CATSPERB: variants seen among roughly 807,000 people sequenced by gnomAD.
CATSPERB encodes the protein cation channel sperm-associated auxiliary subunit beta.
Under a neutral mutation model 128.3 loss-of-function variants are expected in CATSPERB, and 93 were observed. That is an observed-to-expected ratio of 0.72 (90% CI 0.61 to 0.86). The LOEUF (loss-of-function observed/expected upper bound fraction) is 0.86. Ranked by LOEUF, CATSPERB falls within the 40% of genes least tolerant of loss-of-function variation. The probability of loss-of-function intolerance (pLI) is 0.00; values close to 1 mark genes in which losing one functional copy is unlikely to be tolerated. For missense variants in CATSPERB, 1,153 were observed against 1,329.5 expected (o/e 0.87, Z 2.06); for synonymous variants, 381 against 448.8 (o/e 0.85, Z 1.91).
At chr14:91,676,343 C>T (rs1213905150) in intron 11 of CATSPERB, among the ~76,000 whole-genome samples, 2 of 152,096 alleles carry the variant, frequency 1.3e-5, no homozygotes, top group African/African-American at 4.8e-5. Flanking sequence ...TAGGCTGCTC[C>T]TCTGCTCACT....
chr14:91,613,375 A>C (rs1184803036), intron 20 of CATSPERB, among the ~76,000 whole-genome samples: 1 of 152,202 alleles, frequency 6.6e-6, no homozygotes, highest in African/African-American at 2.4e-5. Context: ...TATTGACTTG[A>C]AAGGATTAGA....
At chr14:91,661,483 A>C (rs1316951723) in intron 14 of CATSPERB, among the ~76,000 whole-genome samples, 6 of 149,454 alleles carry the variant, frequency 4.0e-5, no homozygotes, top group Non-Finnish European at 8.9e-5. Context: ...GTTATCTTTA[A>C]AGAAAATACT....
intron 13 of CATSPERB, among the ~76,000 whole-genome samples, 189 bp downstream of exon 13, chr14:91,672,678 A>G (rs778398890): frequency 3.3e-5 from 5 of 152,246 alleles, no homozygotes; most frequent in Non-Finnish European, 7.3e-5. Flanking sequence ...ATTTTCATCA[A>G]AATGAATGAC....
At chr14:91,593,076 C>T (rs1290894664) in intron 22 of CATSPERB, among the ~76,000 whole-genome samples, 2 of 152,158 alleles carry the variant, frequency 1.3e-5, no homozygotes, top group Non-Finnish European at 2.9e-5. Context: ...CCTGTGGGTG[C>T]ACAGAAGTCA....
intron 19 of CATSPERB, among the ~76,000 whole-genome samples, chr14:91,619,107 A>G (rs1349865553): frequency 6.6e-6 from 1 of 152,214 alleles, no homozygotes; most frequent in African/African-American, 2.4e-5. Flanking sequence ...TAATTAGAAC[A>G]TTGCGGTGTT....
chr14:91,610,849 G>A (rs145995439), intron 20 of CATSPERB, among the ~76,000 whole-genome samples, 172 bp from the exon 21 acceptor site: 1 of 152,234 alleles, frequency 6.6e-6, no homozygotes, highest in Non-Finnish European at 1.5e-5. Flanking sequence ...CATTTGGGTG[G>A]GCCCCAATCC....
At chr14:91,721,842 T>C (rs1896037396) in intron 4 of CATSPERB, among the ~76,000 whole-genome samples, 1 of 144,832 alleles carries the variant, frequency 6.9e-6, no homozygotes, top group African/African-American at 2.6e-5. Flanking sequence ...AGAACGAGAC[T>C]CTGTCTAAAA....
Position 91,669,820 on chromosome 14 carries a change from G to A in CATSPERB, c.1281C>T (p.Gly427=), listed in dbSNP as rs368294819. The change falls in exon 14 of 27, where the codon GGC becomes GGT. Residue 427 remains glycine, a synonymous_variant. Coordinates refer to ENST00000256343, the MANE Select transcript of CATSPERB (RefSeq NM_024764.4). ...AAGTTCCATGTGTACGCACCTGATTGCCATAAGCATACAAAAAGTGGCTTC... is the reference window on the plus strand; with the variant it reads ...AAGTTCCATGTGTACGCACCTGATTACCATAAGCATACAAAAAGTGGCTTC... ...HPRSHFLYAY[G]NQIWLSVDGG... is the part of the protein sequence containing the mutation. The A allele has an allele frequency of 1.9e-6, 3 of 1,612,310 alleles. No individual in the cohort carries two copies. The highest frequency in any genetic ancestry group is 1.3e-5 in the African/African-American group (1 of 74,788).
At position 91,725,077 on chromosome 14, in the gene CATSPERB, T is replaced by C; in HGVS notation, c.168+3A>G. ...TATAACACATGCTATTAGTGGACCT[T>C]ACCAAGTTTTCTAAGAAAAGATACA... is the stretch of plus-strand genomic sequence containing the variant. On this transcript the variant is annotated splice_donor_region_variant and intron_variant, in intron 3 of 26. Transcript: ENST00000256343. The C allele has an allele frequency of 2.0e-6, 3 of 1,533,304 alleles. No homozygotes were observed. Among genetic ancestry groups the C allele is most frequent in the Non-Finnish European group, 2.7e-6 (3 of 1,129,424 alleles). The allele number at this position is 1,533,304 out of a possible 1,614,324, so 95.0% of individuals were successfully genotyped here.
At chr14:91,641,128 G>T (rs1894490631) in intron 15 of CATSPERB, among the ~76,000 whole-genome samples, 1 of 142,010 alleles carries the variant, frequency 7.0e-6, no homozygotes, top group East Asian at 2.1e-4. Context: ...TGTAGATTCT[G>T]GATATTAGCC....
At chr14:91,721,229 C>T (rs1244854315) in intron 4 of CATSPERB, among the ~76,000 whole-genome samples, 2 of 151,994 alleles carry the variant, frequency 1.3e-5, no homozygotes, top group African/African-American at 4.8e-5. Context: ...TAGATACAGC[C>T]GACTTCATTA....
At chr14:91,599,545 CAAAA>C (rs36175924) in intron 22 of CATSPERB, among the ~76,000 whole-genome samples, 2 of 113,978 alleles carry the variant, frequency 1.8e-5, no homozygotes, top group African/African-American at 6.8e-5. Flanking sequence ...GGCGGCAGAG[CAAAA>C]AAAAAAAAAA....
intron 22 of CATSPERB, 103 bp from the exon 23 acceptor site, chr14:91,592,105 TC>T: frequency 2.6e-6 from 2 of 758,576 alleles, no homozygotes; most frequent in Admixed American, 2.3e-5. Flanking sequence ...GAAGTGGAAT[TC>T]CTGAGAAGTT....
intron 22 of CATSPERB, 25 bp from the exon 23 acceptor site, chr14:91,592,027 G>T (rs1364742007): frequency 1.4e-6 from 2 of 1,467,006 alleles, no homozygotes; most frequent in Non-Finnish European, 1.9e-6. Context: ...AACAGATGTT[G>T]ACTTGTTTTT....
intron 6 of CATSPERB, among the ~76,000 whole-genome samples, chr14:91,705,081 A>G (rs1448962297): frequency 1.3e-5 from 2 of 152,166 alleles, no homozygotes; most frequent in African/African-American, 4.8e-5. Context: ...TCTCTTCCCA[A>G]TCCCACTGAA....
intron 21 of CATSPERB, 133 bp downstream of exon 21, chr14:91,610,347 G>A (rs1160743232): frequency 7.6e-6 from 5 of 656,838 alleles, no homozygotes; most frequent in African/African-American, 3.6e-5. Flanking sequence ...AAAATGACAT[G>A]AGGATTAAAA....
chr14:91,677,916 C>T (rs2139835767), intron 11 of CATSPERB, among the ~76,000 whole-genome samples: 1 of 152,314 alleles, frequency 6.6e-6, no homozygotes, highest in South Asian at 2.1e-4. Context: ...GAGATCATGT[C>T]CTTTGCAGGG....
intron 15 of CATSPERB, among the ~76,000 whole-genome samples, chr14:91,648,157 C>G (rs1894639561): frequency 6.6e-6 from 1 of 152,138 alleles, no homozygotes; most frequent in Non-Finnish European, 1.5e-5. Context: ...AATCCAGACC[C>G]TCATCATCAC....
At chr14:91,634,976 G>C (rs1894346375) in intron 17 of CATSPERB, among the ~76,000 whole-genome samples, 1 of 151,952 alleles carries the variant, frequency 6.6e-6, no homozygotes, top group African/African-American at 2.4e-5. Context: ...GAAAGTCTGA[G>C]ATCAAGGTGC....
Sources: allele counts gnomAD v4.1 joint callset (sites outside exome capture counted in the v4.1 genomes callset), GRCh38; gene constraint gnomAD v4.1.1; transcripts MANE v1.5; gene names NCBI Gene and HGNC (gene_info 2026-07-23, HGNC 2026-07-21).